AVL9: variants seen among roughly 807,000 people sequenced by gnomAD.
AVL9 encodes the protein AVL9 cell migration associated, also known as late secretory pathway protein AVL9 homolog.
A neutral mutation model predicts 79.2 loss-of-function variants in AVL9; 49 were observed. The observed-to-expected ratio is 0.62, with a 90% confidence interval of 0.49 to 0.79. AVL9 has a LOEUF of 0.79. Ranked by LOEUF, AVL9 falls within the 30% of genes least tolerant of loss-of-function variation. The pLI, the probability that AVL9 is intolerant of heterozygous loss-of-function variation, is 0.00. For missense variants in AVL9, 682 were observed against 776.8 expected (o/e 0.88, Z 1.45); for synonymous variants, 299 against 280.6 (o/e 1.07, Z -0.65).
intron 1 of AVL9, among the ~76,000 whole-genome samples, chr7:32,528,190 C>T (rs1386763674): frequency 1.3e-5 from 2 of 152,148 alleles, no homozygotes; most frequent in African/African-American, 4.8e-5. Context: ...ACACCTACCC[C>T]TACCCCACCC....
intron 4 of AVL9, among the ~76,000 whole-genome samples, chr7:32,549,196 CAAA>C (rs3079782): frequency 6.3e-5 from 9 of 142,306 alleles, no homozygotes; most frequent in Admixed American, 3.5e-4. Context: ...TGGTTTTGTC[CAAA>C]AAAAAAAAAT....
intron 5 of AVL9, 56 bp from the exon 6 acceptor site, chr7:32,552,173 C>A: frequency 1.8e-6 from 2 of 1,104,564 alleles, no homozygotes; most frequent in Non-Finnish European, 2.7e-6. Context: ...CAATATATTT[C>A]TAATTCAGAT....
At position 32,495,740 on chromosome 7, in the gene AVL9, G is replaced by T. The variant is rs894750300; in HGVS notation, c.31G>T (p.Val11Phe). The change falls in exon 1 of 16, where the codon GTC (valine) becomes TTC (phenylalanine). Residue 11 changes from valine to phenylalanine, a missense_variant. Coordinates refer to ENST00000318709, the MANE Select transcript of AVL9 (RefSeq NM_015060.3). ...GAAGGCCAGGAGAGGCGGGGATGGC[G>T]TCCCCCGGGGGCCCGTACTGCACAT... MEKARRGGDG[V>F]PRGPVLHIVV... is the part of the protein sequence containing the mutation. 2 of 1,260,326 alleles carry T rather than the reference G, an allele frequency of 1.6e-6. No individual in the cohort carries two copies. Among genetic ancestry groups the T allele is most frequent in the Non-Finnish European group, 2.0e-6 (2 of 992,726 alleles). The allele number at this position is 1,260,326 out of a possible 1,614,324, so 78.1% of individuals were successfully genotyped here.
rs3750083 is a variant in AVL9, at chr7:32,586,394, A to G, written c.*2487A>G. On this transcript the variant is annotated 3_prime_UTR_variant, in exon 16 of 16. Transcript: ENST00000318709. ...TTTTTCAAGGAACACTGGCTGTTGT[A>G]TTGTTGGCAGGGGCCCCAAGGCAGC... 0.34 allele frequency: 52,088 copies of G among 150,998 alleles called. 9,169 individuals are homozygous for G. Among genetic ancestry groups the G allele is most frequent in the South Asian group, 0.45 (2,150 of 4,790 alleles). 9.4% of individuals were successfully genotyped at this position (150,998 alleles called of 1,614,324 possible). A position where few individuals can be genotyped will look rare whatever the true frequency, so the allele number is the denominator to read the frequency against.
intron 1 of AVL9, among the ~76,000 whole-genome samples, chr7:32,504,405 C>T (rs1562750495): frequency 6.6e-6 from 1 of 152,058 alleles, no homozygotes; most frequent in Admixed American, 6.6e-5. Context: ...TTGTACAAAT[C>T]GTTGTCTTAT....
chr7:32,548,833 T>A lies in AVL9; in HGVS notation c.301-14T>A. The A allele has an allele frequency of 6.5e-7, 1 of 1,528,726 alleles. No individual in the cohort carries two copies. The highest frequency in any genetic ancestry group is 8.8e-7 in the Non-Finnish European group (1 of 1,140,024). 94.7% of individuals were successfully genotyped at this position (1,528,726 alleles called of 1,614,324 possible). A position where few individuals can be genotyped will look rare whatever the true frequency, so the allele number is the denominator to read the frequency against. On this transcript the variant is annotated splice_polypyrimidine_tract_variant and intron_variant, in intron 3 of 15. Coordinates refer to ENST00000318709, the MANE Select transcript of AVL9 (RefSeq NM_015060.3). Reference sequence around the variant, plus strand: ...ATGAAATATTTCTGATAAATTGCTCTTTGTTCATAATAGGCACTGAAAGTA... The same window carrying A: ...ATGAAATATTTCTGATAAATTGCTCATTGTTCATAATAGGCACTGAAAGTA...
Position 32,580,760 on chromosome 7 carries a change from A to T in AVL9, c.1743-42A>T, listed in dbSNP as rs779454617. ...CTGTGTGCGTGTGTGAGATTTTTTT[A>T]AAATTGTACCTAACACTTCTTTTAT... On this transcript the variant is annotated intron_variant, in intron 14 of 15. Coordinates refer to ENST00000318709, the MANE Select transcript of AVL9 (RefSeq NM_015060.3). 33 of 1,476,622 alleles carry T rather than the reference A, an allele frequency of 2.2e-5. No individual in the cohort carries two copies. The East Asian group carries it at 4.1e-4, about 18-fold the overall frequency. 91.5% of individuals were successfully genotyped at this position (1,476,622 alleles called of 1,614,324 possible).
chr7:32,564,248 A>G (rs1327547980), intron 10 of AVL9, among the ~76,000 whole-genome samples: 1 of 152,210 alleles, frequency 6.6e-6, no homozygotes, highest in Non-Finnish European at 1.5e-5. Flanking sequence ...TAACATCCCT[A>G]TAAAATATTT....
chr7:32,509,809 C>T (rs1048453718), intron 1 of AVL9, among the ~76,000 whole-genome samples: 1 of 152,076 alleles, frequency 6.6e-6, no homozygotes, highest in Non-Finnish European at 1.5e-5. Flanking sequence ...AAGATCACAC[C>T]ACTGTACTCC....
At chr7:32,543,030 T>G in intron 1 of AVL9, 111 bp from the exon 2 acceptor site, 1 of 1,354,702 alleles carries the variant, frequency 7.4e-7, no homozygotes, top group African/African-American at 1.4e-5. Flanking sequence ...CATTATACAG[T>G]GTGGCTTATC....
At chr7:32,545,808 T>G (rs964653601) in intron 3 of AVL9, among the ~76,000 whole-genome samples, 1 of 152,134 alleles carries the variant, frequency 6.6e-6, no homozygotes, top group Non-Finnish European at 1.5e-5. Context: ...TCTTGATGAG[T>G]AAAAAGCTCT....
Position 32,495,731 on chromosome 7 carries a change from G to T in AVL9, c.22G>T (p.Gly8Trp), listed in dbSNP as rs763779268. The T allele has an allele frequency of 8.2e-5, 103 of 1,261,594 alleles. No homozygotes were observed. Among genetic ancestry groups the T allele is most frequent in the Non-Finnish European group, 9.7e-5 (96 of 993,210 alleles). 78.1% of individuals were successfully genotyped at this position (1,261,594 alleles called of 1,614,324 possible). A position where few individuals can be genotyped will look rare whatever the true frequency, so the allele number is the denominator to read the frequency against. MEKARRG[G>W]DGVPRGPVLH... The stretch of plus-strand genomic sequence containing the variant: ...GCCCATGGAGAAGGCCAGGAGAGGC[G>T]GGGATGGCGTCCCCCGGGGGCCCGT... Residue 8 changes from glycine to tryptophan, a missense_variant, in exon 1 of 16, where the codon GGG becomes TGG. Gly to Trp is a radical substitution (Grantham distance 184, BLOSUM62 -2). Transcript: ENST00000318709.
intron 1 of AVL9, among the ~76,000 whole-genome samples, chr7:32,542,473 T>C (rs996642796): frequency 2.6e-5 from 4 of 151,738 alleles, no homozygotes; most frequent in African/African-American, 9.7e-5. Flanking sequence ...GGAGAATTGC[T>C]TGAGCATGGG....
At chr7:32,508,890 C>G (rs1787530775) in intron 1 of AVL9, among the ~76,000 whole-genome samples, 1 of 152,070 alleles carries the variant, frequency 6.6e-6, no homozygotes, top group African/African-American at 2.4e-5. Flanking sequence ...GTTTTGATAC[C>G]TGGTAAAGAA....
chr7:32,513,659 C>G (rs545116668), intron 1 of AVL9, among the ~76,000 whole-genome samples: 1 of 152,122 alleles, frequency 6.6e-6, no homozygotes, highest in Admixed American at 6.5e-5. Context: ...AAGGTGGAGA[C>G]GAGAGACTGA....
chr7:32,519,895 G>A (rs77325339), intron 1 of AVL9, among the ~76,000 whole-genome samples: 4 of 152,186 alleles, frequency 2.6e-5, no homozygotes, highest in Non-Finnish European at 4.4e-5. Context: ...AGTCATAGAG[G>A]AAGTGAGCAC....
rs1239916725 is a variant in AVL9 at position 32,559,184 on chromosome 7, C to CCAAT, written c.940_943dup (p.Tyr315SerfsTer17). On this transcript the variant is annotated frameshift_variant, in exon 10 of 16. Coordinates refer to ENST00000318709, the MANE Select transcript of AVL9 (RefSeq NM_015060.3). LOFTEE classifies it high-confidence loss of function. ...AGCAAAGGGCAGGAACCCAATGATACCAATCAATATTTGAAACCTCCATCT... is the reference window on the plus strand; with the variant it reads ...AGCAAAGGGCAGGAACCCAATGATACCAATCAATCAATATTTGAAACCTCCATCT... 6 of 1,614,050 alleles carry CCAAT rather than the reference C, an allele frequency of 3.7e-6. No homozygotes were observed. The highest frequency in any genetic ancestry group is 3.4e-6 in the Non-Finnish European group (4 of 1,180,030).
chr7:32,544,581 T>G, intron 2 of AVL9, 113 bp from the exon 3 acceptor site: 1 of 704,998 alleles, frequency 1.4e-6, no homozygotes, highest in Non-Finnish European at 2.3e-6. Flanking sequence ...TTTGGATTCC[T>G]TGTTTTATCA....
At chr7:32,567,349 G>T (rs1424494259) in intron 10 of AVL9, among the ~76,000 whole-genome samples, 1 of 152,200 alleles carries the variant, frequency 6.6e-6, no homozygotes, top group East Asian at 1.9e-4. Flanking sequence ...CAGTCTGCCC[G>T]CCTTGGCCTC....
Sources: gnomAD v4.1 joint callset for allele counts (sites outside exome capture counted in the v4.1 genomes callset) on GRCh38, gnomAD v4.1.1 for gene constraint, MANE v1.5 for transcripts, NCBI Gene and HGNC (gene_info 2026-07-23, HGNC 2026-07-21) for gene names.